The following CCDC85A variants were observed in gnomAD, a reference collection of about 807,000 sequenced individuals.
CCDC85A encodes the protein coiled-coil domain containing 85A.
Under a neutral mutation model 50.2 loss-of-function variants are expected in CCDC85A, and 38 were observed. That is an observed-to-expected ratio of 0.76 (90% CI 0.58 to 0.99). The LOEUF (loss-of-function observed/expected upper bound fraction) is 0.99, where lower values mean the gene tolerates loss of function less well. CCDC85A is among the 50% of genes least tolerant of loss of function. The pLI is 0.00. For missense variants in CCDC85A, 820 were observed against 742.0 expected, an observed-to-expected ratio of 1.11 and a Z score of -1.22; for synonymous variants, 366 against 301.4, an observed-to-expected ratio of 1.21 and a Z score of -2.22.
intron 3 of CCDC85A, among the ~76,000 whole-genome samples, chr2:56,360,060 G>A (rs1675444716): frequency 6.6e-6 from 1 of 152,160 alleles, no homozygotes; most frequent in African/African-American, 2.4e-5. Context: ...GAGCCAAATG[G>A]TGGAAGAGAG....
At chr2:56,198,348 C>T (rs1278597732) in intron 2 of CCDC85A, among the ~76,000 whole-genome samples, 1 of 152,148 alleles carries the variant, frequency 6.6e-6, no homozygotes, top group Non-Finnish European at 1.5e-5. Flanking sequence ...TTATGGAACA[C>T]CAGAACTGAT....
chr2:56,195,306 T>C (rs1676480832), intron 2 of CCDC85A, among the ~76,000 whole-genome samples: 1 of 152,222 alleles, frequency 6.6e-6, no homozygotes, highest in Non-Finnish European at 1.5e-5. Context: ...CATTACCTCA[T>C]AGCTTATTGC....
intron 3 of CCDC85A, among the ~76,000 whole-genome samples, chr2:56,360,336 G>A (rs893238523): frequency 3.3e-5 from 5 of 152,112 alleles, no homozygotes; most frequent in African/African-American, 9.7e-5. Context: ...CCATTTTAGC[G>A]TTGAGGACAA....
At chr2:56,218,046 A>G (rs1399529186) in intron 2 of CCDC85A, among the ~76,000 whole-genome samples, 1 of 151,856 alleles carries the variant, frequency 6.6e-6, no homozygotes, top group Non-Finnish European at 1.5e-5. Flanking sequence ...GTCTGATACA[A>G]CATCTTGTGT....
intron 2 of CCDC85A, among the ~76,000 whole-genome samples, chr2:56,264,638 A>C (rs914410495): frequency 2.0e-5 from 3 of 152,166 alleles, no homozygotes; most frequent in Non-Finnish European, 4.4e-5. Flanking sequence ...TCTAGTCTGC[A>C]TACAACCACC....
chr2:56,373,230 G>C (rs1676169538), intron 4 of CCDC85A, among the ~76,000 whole-genome samples: 1 of 152,066 alleles, frequency 6.6e-6, no homozygotes, highest in Non-Finnish European at 1.5e-5. Context: ...TATAAGCCTT[G>C]ATCTTTCTGG....
At chr2:56,310,386 C>A (rs1672635332) in intron 2 of CCDC85A, among the ~76,000 whole-genome samples, 1 of 152,236 alleles carries the variant, frequency 6.6e-6, no homozygotes, top group Admixed American at 6.6e-5. Flanking sequence ...GGTACTCAGT[C>A]CTGTCAATTG....
chr2:56,360,798 TC>T (rs1388217147), intron 3 of CCDC85A, among the ~76,000 whole-genome samples: 8 of 152,184 alleles, frequency 5.3e-5, no homozygotes, highest in Non-Finnish European at 1.0e-4. Flanking sequence ...CTATCTTTTA[TC>T]CCCAGAATCT....
chr2:56,375,749 T>G, intron 4 of CCDC85A, 67 bp from the exon 5 acceptor site: 2 of 1,515,212 alleles, frequency 1.3e-6, no homozygotes. Flanking sequence ...AATTGAATAT[T>G]GAATGACATC....
At chr2:56,276,627 G>A (rs949471366) in intron 2 of CCDC85A, among the ~76,000 whole-genome samples, 1 of 152,120 alleles carries the variant, frequency 6.6e-6, no homozygotes, top group African/African-American at 2.4e-5. Flanking sequence ...TGATTGTGAG[G>A]CCTCCCCAGC....
chr2:56,369,660 T>C (rs1396254425), intron 3 of CCDC85A, among the ~76,000 whole-genome samples: 1 of 152,172 alleles, frequency 6.6e-6, no homozygotes, highest in Admixed American at 6.6e-5. Flanking sequence ...CAAATAGTTC[T>C]TGGGGACTTT....
intron 3 of CCDC85A, among the ~76,000 whole-genome samples, chr2:56,361,431 C>T (rs1675522223): frequency 6.6e-6 from 1 of 152,144 alleles, no homozygotes; most frequent in Non-Finnish European, 1.5e-5. Flanking sequence ...TCTCATGCAG[C>T]TTACATTTTA....
intron 2 of CCDC85A, among the ~76,000 whole-genome samples, chr2:56,312,825 C>G (rs993406530): frequency 1.3e-5 from 2 of 152,098 alleles, no homozygotes; most frequent in Admixed American, 6.6e-5. Flanking sequence ...AAATTGATCT[C>G]TAATTTTGCA....
chr2:56,266,518 T>C (rs1225274404), intron 2 of CCDC85A, among the ~76,000 whole-genome samples: 1 of 150,140 alleles, frequency 6.7e-6, no homozygotes, highest in Non-Finnish European at 1.5e-5. Context: ...AATGTATAGA[T>C]GTATCAAAAC....
At chr2:56,201,551 C>G (rs1037397638) in intron 2 of CCDC85A, among the ~76,000 whole-genome samples, 1 of 152,114 alleles carries the variant, frequency 6.6e-6, no homozygotes, top group African/African-American at 2.4e-5. Context: ...AACCCCTGAT[C>G]TAGGCTGTAT....
intron 3 of CCDC85A, among the ~76,000 whole-genome samples, chr2:56,358,816 C>T (rs1675368070): frequency 6.6e-6 from 1 of 150,926 alleles, no homozygotes; most frequent in Non-Finnish European, 1.5e-5. Flanking sequence ...TGGAGTTTCA[C>T]TCTTGTTACC....
chr2:56,197,203 G>A (rs927205063), intron 2 of CCDC85A, among the ~76,000 whole-genome samples: 9 of 152,070 alleles, frequency 5.9e-5, no homozygotes, highest in Admixed American at 3.9e-4. Flanking sequence ...TCTAGTTCAC[G>A]GTTTCTTTAC....
chr2:56,382,861 C>G (rs1676655686), intron 5 of CCDC85A, among the ~76,000 whole-genome samples: 2 of 151,996 alleles, frequency 1.3e-5, no homozygotes. Flanking sequence ...TGCTTCTAAA[C>G]CACACATTCA....
At chr2:56,267,319 A>T (rs1284327187) in intron 2 of CCDC85A, among the ~76,000 whole-genome samples, 1 of 152,138 alleles carries the variant, frequency 6.6e-6, no homozygotes, top group African/African-American at 2.4e-5. Context: ...CAGTACTGCT[A>T]TTTCTGATCC....
Sources: gnomAD v4.1 joint callset for allele counts (sites outside exome capture counted in the v4.1 genomes callset) on GRCh38, gnomAD v4.1.1 for gene constraint, MANE v1.5 for transcripts, NCBI Gene and HGNC (gene_info 2026-07-23, HGNC 2026-07-21) for gene names.